Variants in PCDH9 observed in about 807,000 individuals in gnomAD.
The protein encoded by PCDH9 is protocadherin-9.
PCDH9 carries 24 observed loss-of-function variants against 70.6 expected under a neutral mutation model. The ratio of observed to expected loss-of-function variants is 0.34; its 90% CI spans 0.25 to 0.48. The LOEUF (loss-of-function observed/expected upper bound fraction) is 0.48, where lower values mean the gene tolerates loss of function less well. Among genes scored for constraint, PCDH9 ranks in the 20% least tolerant of loss-of-function variants. The probability of loss-of-function intolerance (pLI) is 0.99; values close to 1 mark genes in which losing one functional copy is unlikely to be tolerated. For synonymous variants in PCDH9, 562 were observed against 558.5 expected, an observed-to-expected ratio of 1.01 and a Z score of -0.09; for missense variants, 1,281 against 1,503.6, an observed-to-expected ratio of 0.85 and a Z score of 2.45.
intron 4 of PCDH9, among the ~76,000 whole-genome samples, chr13:66,627,031 T>C (rs1255228349): frequency 6.6e-6 from 1 of 151,844 alleles, no homozygotes; most frequent in Non-Finnish European, 1.5e-5. Context: ...TTTACAAAAA[T>C]GTCTCCACAT....
At chr13:66,457,846 T>TG (rs1048031939) in intron 4 of PCDH9, among the ~76,000 whole-genome samples, 12 of 151,966 alleles carry the variant, frequency 7.9e-5, no homozygotes, top group African/African-American at 2.4e-4. Flanking sequence ...GTGATTTTTT[T>TG]GGGGGGGATA....
chr13:67,154,029 C>T (rs1305968334), intron 2 of PCDH9, among the ~76,000 whole-genome samples: 1 of 152,062 alleles, frequency 6.6e-6, no homozygotes, highest in Non-Finnish European at 1.5e-5. Context: ...GTGAATTGAA[C>T]TGAAGACAAG....
At chr13:67,022,070 C>A (rs1007278038) in intron 2 of PCDH9, among the ~76,000 whole-genome samples, 1 of 138,568 alleles carries the variant, frequency 7.2e-6, no homozygotes, top group African/African-American at 2.7e-5. Flanking sequence ...TAAGAATGTT[C>A]CAGCTCCTAA....
At chr13:67,169,255 T>A in intron 2 of PCDH9, among the ~76,000 whole-genome samples, 1 of 152,196 alleles carries the variant, frequency 6.6e-6, no homozygotes, top group East Asian at 1.9e-4. Flanking sequence ...AAAATCCACC[T>A]TTTAGGTAAA....
intron 2 of PCDH9, among the ~76,000 whole-genome samples, chr13:66,946,750 A>G (rs1375098573): frequency 3.9e-5 from 6 of 152,030 alleles, no homozygotes; most frequent in Non-Finnish European, 8.8e-5. Flanking sequence ...CAAATTGTAT[A>G]TATTTTAGAA....
At chr13:66,583,138 C>T (rs1248336875) in intron 4 of PCDH9, among the ~76,000 whole-genome samples, 1 of 147,618 alleles carries the variant, frequency 6.8e-6, no homozygotes, top group African/African-American at 2.5e-5. Flanking sequence ...TTCATTTTGG[C>T]GTCATGAACT....
At chr13:67,076,489 CAA>C (rs775870069) in intron 2 of PCDH9, among the ~76,000 whole-genome samples, 31 of 151,944 alleles carry the variant, frequency 2.0e-4, no homozygotes, top group Non-Finnish European at 2.9e-4. Flanking sequence ...ACAAGATTTG[CAA>C]AAAATAAGTG....
intron 3 of PCDH9, among the ~76,000 whole-genome samples, chr13:66,876,135 T>G (rs2081803393): frequency 6.6e-6 from 1 of 152,210 alleles, no homozygotes; most frequent in South Asian, 2.1e-4. Flanking sequence ...ATTTAGTAGT[T>G]GATAAAGTTA....
intron 3 of PCDH9, among the ~76,000 whole-genome samples, chr13:66,640,707 T>C (rs990826558): frequency 6.6e-6 from 1 of 152,100 alleles, no homozygotes; most frequent in South Asian, 2.1e-4. Context: ...AATAGAGGGG[T>C]TGAAGAAGTG....
intron 3 of PCDH9, among the ~76,000 whole-genome samples, chr13:66,647,743 GTGGGTTCT>G: frequency 6.6e-6 from 1 of 152,028 alleles, no homozygotes; most frequent in Middle Eastern, 3.4e-3. Flanking sequence ...AAAACATCAA[GTGGGTTCT>G]TGGGTTCTCT....
chr13:66,957,756 G>A (rs910840004), intron 2 of PCDH9, among the ~76,000 whole-genome samples: 1 of 152,064 alleles, frequency 6.6e-6, no homozygotes, highest in South Asian at 2.1e-4. Context: ...AGCTAGGAAG[G>A]CAGTCCTCAG....
chr13:66,946,227 G>A (rs1216728619), intron 2 of PCDH9, among the ~76,000 whole-genome samples: 1 of 151,746 alleles, frequency 6.6e-6, no homozygotes, highest in East Asian at 1.9e-4. Context: ...CCTACAAAAG[G>A]GAATATGATT....
chr13:66,866,625 C>T (rs2081580862), intron 3 of PCDH9, among the ~76,000 whole-genome samples: 1 of 151,816 alleles, frequency 6.6e-6, no homozygotes. Flanking sequence ...GGCGAAACCC[C>T]ATCTTTACTA....
intron 2 of PCDH9, 159 bp downstream of exon 2, chr13:67,225,246 G>A (rs975714843): frequency 2.2e-5 from 28 of 1,266,938 alleles, no homozygotes; most frequent in Non-Finnish European, 2.7e-5. Context: ...AAAAATTCTT[G>A]ACTGAGCCCC....
chr13:66,421,732 C>A (rs553299502), intron 4 of PCDH9, among the ~76,000 whole-genome samples: 6 of 152,244 alleles, frequency 3.9e-5, no homozygotes, highest in Admixed American at 3.9e-4. Context: ...AGACCATTGA[C>A]ACTATGAAGA....
chr13:67,040,281 G>A (rs2085086793), intron 2 of PCDH9, among the ~76,000 whole-genome samples: 1 of 152,088 alleles, frequency 6.6e-6, no homozygotes, highest in Non-Finnish European at 1.5e-5. Flanking sequence ...TCTTGAGGGT[G>A]AATCCCTCAT....
intron 2 of PCDH9, chr13:67,217,506 T>C (rs2089635751): frequency 6.6e-6 from 1 of 152,110 alleles, no homozygotes; most frequent in Non-Finnish European, 1.5e-5. Context: ...TCAAAGACAT[T>C]AAGTATTAAA....
intron 2 of PCDH9, among the ~76,000 whole-genome samples, chr13:67,129,573 G>A (rs775530959): frequency 6.6e-6 from 1 of 151,850 alleles, no homozygotes; most frequent in African/African-American, 2.4e-5. Flanking sequence ...CCCTAGCAAG[G>A]TTCTCTGCTA....
intron 2 of PCDH9, among the ~76,000 whole-genome samples, chr13:67,125,714 T>G (rs1050218188): frequency 6.6e-6 from 1 of 152,186 alleles, no homozygotes; most frequent in Non-Finnish European, 1.5e-5. Context: ...CATATTCCAA[T>G]GTACTTGTCT....
Sources: gnomAD v4.1 joint callset for allele counts (sites outside exome capture counted in the v4.1 genomes callset) on GRCh38, gnomAD v4.1.1 for gene constraint, MANE v1.5 for transcripts, NCBI Gene and HGNC (gene_info 2026-07-23, HGNC 2026-07-21) for gene names.